The following METTL15 variants were observed in gnomAD, a reference collection of about 807,000 sequenced individuals.
METTL15 encodes methyltransferase 15, mitochondrial 12S rRNA N4-cytidine, also known as 12S rRNA N(4)-cytidine methyltransferase METTL15.
Under a neutral mutation model 38.3 loss-of-function variants are expected in METTL15, and 34 were observed. The ratio of observed to expected loss-of-function variants is 0.89; its 90% confidence interval spans 0.68 to 1.18. The LOEUF is 1.18. Among genes scored for constraint, METTL15 ranks in the 50% most tolerant of loss-of-function variants. METTL15 has a pLI of 0.00. For synonymous variants in METTL15, 162 were observed against 170.9 expected, an observed-to-expected ratio of 0.95 and a Z score of 0.41; for missense variants, 438 against 498.4, an observed-to-expected ratio of 0.88 and a Z score of 1.15.
intron 2 of METTL15, among the ~76,000 whole-genome samples, chr11:28,112,898 A>G (rs1219584173): frequency 6.6e-6 from 1 of 152,188 alleles, no homozygotes; most frequent in Admixed American, 6.5e-5. Context: ...TCTGAATCTA[A>G]AATGTAATAC....
intron 3 of METTL15, among the ~76,000 whole-genome samples, chr11:28,176,610 C>G (rs1373045079): frequency 6.6e-6 from 1 of 152,116 alleles, no homozygotes; most frequent in Non-Finnish European, 1.5e-5. Context: ...CTCCTTTACA[C>G]TATTAATTTT....
chr11:28,235,151 T>C (rs1289489595), intron 4 of METTL15, among the ~76,000 whole-genome samples: 1 of 152,174 alleles, frequency 6.6e-6, no homozygotes, highest in East Asian at 1.9e-4. Context: ...GTCTGTTCTG[T>C]TCCATTGATC....
chr11:28,141,306 G>A (rs190310928), intron 3 of METTL15, among the ~76,000 whole-genome samples: 39 of 152,200 alleles, frequency 2.6e-4, no homozygotes, highest in Middle Eastern at 3.4e-3. Flanking sequence ...TATGAATCAC[G>A]GTCCTGTTGG....
rs147788357 is a variant in METTL15, at chr11:28,409,837, C to T, written c.*359-14462C>T. 2.0e-5 allele frequency among the ~76,000 whole-genome samples: 3 copies of T among 151,938 alleles called. No homozygotes were observed. In the East Asian group the frequency reaches 5.8e-4, roughly 29 times the overall value. On this transcript the variant is annotated intron_variant and NMD_transcript_variant, in intron 5 of 7. Coordinates refer to the METTL15 transcript ENST00000532947. Reference sequence around the variant, plus strand: ...AATAATAGAAAACAAATTAACAAAACCAAGAGTTGGTTTTTTGAAAAAGTA... The same window carrying T: ...AATAATAGAAAACAAATTAACAAAATCAAGAGTTGGTTTTTTGAAAAAGTA...
Position 28,421,753 on chromosome 11 carries a change from G to A in METTL15, c.*359-2546G>A, listed in dbSNP as rs1850822308. On this transcript the variant is annotated intron_variant and NMD_transcript_variant, in intron 5 of 7. Transcript: ENST00000532947. ...TATCACAACAAATGGGAAAAAAACA[G>A]AAACCCTTTCCTCCAAGATCTTGAA... Among the ~76,000 whole-genome samples, 5 of 151,942 alleles carry A rather than the reference G, an allele frequency of 3.3e-5. No homozygotes were observed. The South Asian group carries it at 1.0e-3, about 31-fold the overall frequency.
intron 6 of METTL15, among the ~76,000 whole-genome samples, chr11:28,465,522 C>G (rs894787151): frequency 3.3e-5 from 5 of 152,190 alleles, no homozygotes; most frequent in Non-Finnish European, 7.3e-5. Context: ...TTAGAAGCCT[C>G]TCATACTCAA....
intron 6 of METTL15, among the ~76,000 whole-genome samples, chr11:28,326,367 C>G (rs1315092376): frequency 6.6e-6 from 1 of 152,010 alleles, no homozygotes; most frequent in African/African-American, 2.4e-5. Flanking sequence ...TAAGATAACT[C>G]TGTTCCTTGT....
At chr11:28,312,306 A>G (rs1400345364) in intron 6 of METTL15, among the ~76,000 whole-genome samples, 1 of 152,242 alleles carries the variant, frequency 6.6e-6, no homozygotes, top group Non-Finnish European at 1.5e-5. Flanking sequence ...CAGCATATAT[A>G]TAACAATGAT....
chr11:28,441,208 C>T (rs994725795), intron 6 of METTL15, among the ~76,000 whole-genome samples: 9 of 151,768 alleles, frequency 5.9e-5, no homozygotes, highest in Admixed American at 3.9e-4. Context: ...CGTCAGCCTC[C>T]GGAGTAGCTG....
chr11:28,333,676 T>C (rs1849872526), downstream of METTL15, among the ~76,000 whole-genome samples: 1 of 151,944 alleles, frequency 6.6e-6, no homozygotes, highest in African/African-American at 2.4e-5. Flanking sequence ...TTAATTACTA[T>C]GTTCTTTGAA....
rs1247829786 is a variant in METTL15 at position 28,277,527 on chromosome 11, G to A, written c.408-12679G>A. Among the ~76,000 whole-genome samples the A allele has an allele frequency of 1.3e-4, 19 of 151,978 alleles. No homozygotes were observed. The East Asian group carries it at 2.9e-3, about 23-fold the overall frequency. On this transcript the variant is annotated intron_variant, in intron 4 of 6. Coordinates refer to ENST00000407364, the MANE Select transcript of METTL15 (RefSeq NM_001113528.2). The stretch of plus-strand genomic sequence containing the variant: ...AGCCTGGCCAACACTGTGAAACCCC[G>A]TCTCTACTAAACATACAAAAATTAG...
At chr11:28,353,935 A>C (rs1055634470) in intron 4 of METTL15, among the ~76,000 whole-genome samples, 1 of 148,808 alleles carries the variant, frequency 6.7e-6, no homozygotes, top group Non-Finnish European at 1.5e-5. Context: ...CCGTCTCAAA[A>C]AAAAAAAAAA....
chr11:28,375,881 G>A (rs1850305126), intron 5 of METTL15, among the ~76,000 whole-genome samples: 1 of 151,122 alleles, frequency 6.6e-6, no homozygotes, highest in Non-Finnish European at 1.5e-5. Context: ...TGTTCTCGTT[G>A]GTTTCAAAGA....
At chr11:28,360,864 T>C (rs1850131964) in intron 4 of METTL15, among the ~76,000 whole-genome samples, 1 of 139,804 alleles carries the variant, frequency 7.2e-6, no homozygotes, top group African/African-American at 2.7e-5. Flanking sequence ...TGTGTCCATG[T>C]GTTCTCATTG....
chr11:28,227,934 A>G (rs1298846661), intron 4 of METTL15, among the ~76,000 whole-genome samples: 2 of 151,896 alleles, frequency 1.3e-5, no homozygotes, highest in South Asian at 2.1e-4. Context: ...TCCCGTTTTA[A>G]TGATATTCTA....
At chr11:28,408,334 A>AAACAAC (rs569893597) in intron 5 of METTL15, among the ~76,000 whole-genome samples, 2 of 152,048 alleles carry the variant, frequency 1.3e-5, no homozygotes, top group Admixed American at 6.6e-5. Flanking sequence ...ATCACATTAA[A>AAACAAC]AACAACAACA....
chr11:28,298,076 T>G (rs1856799312), intron 6 of METTL15, among the ~76,000 whole-genome samples: 1 of 152,060 alleles, frequency 6.6e-6, no homozygotes, highest in South Asian at 2.1e-4. Flanking sequence ...CCTTTGAACT[T>G]ACCATTGAGA....
intron 3 of METTL15, among the ~76,000 whole-genome samples, chr11:28,194,122 A>ATCTTTCCTTCTTTCTT (rs1554995566): frequency 1.0e-5 from 1 of 99,078 alleles, no homozygotes; most frequent in African/African-American, 4.0e-5. Flanking sequence ...TTGATGGTTG[A>ATCTTTCCTTCTTTCTT]TCTTTCTTTC....
chr11:28,248,837 T>G (rs549231363), intron 4 of METTL15, among the ~76,000 whole-genome samples: 1 of 152,142 alleles, frequency 6.6e-6, no homozygotes, highest in Non-Finnish European at 1.5e-5. Flanking sequence ...ATCACTAAGG[T>G]TAAGTAACTT....
Sources: allele counts gnomAD v4.1 joint callset (sites outside exome capture counted in the v4.1 genomes callset), GRCh38; gene constraint gnomAD v4.1.1; transcripts MANE v1.5; gene names NCBI Gene and HGNC (gene_info 2026-07-23, HGNC 2026-07-21).